Variants in CDK5RAP2 observed in about 807,000 individuals in gnomAD.
The protein encoded by CDK5RAP2 is CDK5 regulatory subunit-associated protein 2.
A neutral mutation model predicts 232.9 loss-of-function variants in CDK5RAP2; 147 were observed. The observed-to-expected ratio is 0.63, with a 90% confidence interval of 0.55 to 0.72. CDK5RAP2 has a LOEUF of 0.72. CDK5RAP2 is among the 30% of genes least tolerant of loss of function. The pLI is 0.00. For missense variants in CDK5RAP2, 2,195 were observed against 2,231.5 expected, an observed-to-expected ratio of 0.98 and a Z score of 0.33; for synonymous variants, 833 against 833.7, an observed-to-expected ratio of 1.00 and a Z score of 0.01.
chr9:120,434,032 T>TATAAC (rs1160725772), intron 25 of CDK5RAP2, among the ~76,000 whole-genome samples: 4 of 152,300 alleles, frequency 2.6e-5, no homozygotes, highest in African/African-American at 7.2e-5. Flanking sequence ...ATAAAAAACA[T>TATAAC]ATAACATGCA....
chr9:120,520,832 T>TGAGCTGTATCTCATATATATCTCATAG (rs1564332716), intron 11 of CDK5RAP2, among the ~76,000 whole-genome samples: 9 of 150,926 alleles, frequency 6.0e-5, no homozygotes, highest in African/African-American at 2.2e-4. Context: ...ATATCTCATA[T>TGAGCTGTATCTCATATATATCTCATAG]GAGCTGTATC....
chr9:120,577,510 G>A (rs966421979), intron 1 of CDK5RAP2, among the ~76,000 whole-genome samples: 6 of 152,130 alleles, frequency 3.9e-5, no homozygotes, highest in African/African-American at 9.7e-5. Flanking sequence ...AGTGGTGACC[G>A]TTGAGCAATA....
chr9:120,399,483 A>C (rs1283252855), intron 35 of CDK5RAP2, among the ~76,000 whole-genome samples: 1 of 152,254 alleles, frequency 6.6e-6, no homozygotes, highest in Non-Finnish European at 1.5e-5. Context: ...TTGAAAGGCT[A>C]TGATGAAACA....
intron 5 of CDK5RAP2, among the ~76,000 whole-genome samples, chr9:120,544,300 G>C (rs1481160602): frequency 6.6e-6 from 1 of 152,178 alleles, no homozygotes. Context: ...GTATGAAATA[G>C]ACCAAATTCC....
chr9:120,527,580 T>C (rs1480342129), intron 10 of CDK5RAP2, among the ~76,000 whole-genome samples: 1 of 152,150 alleles, frequency 6.6e-6, no homozygotes, highest in African/African-American at 2.4e-5. Context: ...ATGTGGCCAC[T>C]AGAAAGTTTT....
At chr9:120,442,470 A>C (rs2035956406) in intron 23 of CDK5RAP2, among the ~76,000 whole-genome samples, 1 of 152,216 alleles carries the variant, frequency 6.6e-6, no homozygotes, top group Non-Finnish European at 1.5e-5. Flanking sequence ...TCAGCTGCGC[A>C]ACAATTAAAA....
At chr9:120,428,817 T>C (rs1370291841) in intron 25 of CDK5RAP2, among the ~76,000 whole-genome samples, 1 of 152,202 alleles carries the variant, frequency 6.6e-6, no homozygotes, top group Non-Finnish European at 1.5e-5. Flanking sequence ...AAGAGAATTT[T>C]AGACCAAAAT....
At chr9:120,497,797 T>C (rs1202914003) in intron 12 of CDK5RAP2, among the ~76,000 whole-genome samples, 2 of 152,166 alleles carry the variant, frequency 1.3e-5, no homozygotes, top group Non-Finnish European at 2.9e-5. Flanking sequence ...TGACATAATG[T>C]AAAAGAGTCT....
intron 12 of CDK5RAP2, among the ~76,000 whole-genome samples, chr9:120,513,317 C>T (rs2040179433): frequency 1.3e-5 from 2 of 152,204 alleles, no homozygotes; most frequent in Admixed American, 1.3e-4. Flanking sequence ...AACTGCAAAT[C>T]TGATCCTGTC....
At chr9:120,426,468 C>A (rs972129111) in intron 25 of CDK5RAP2, among the ~76,000 whole-genome samples, 1 of 152,168 alleles carries the variant, frequency 6.6e-6, no homozygotes, top group African/African-American at 2.4e-5. Flanking sequence ...TTCTGATTGG[C>A]ACTTGGTTGA....
At chr9:120,419,378 T>C (rs915910303) in intron 27 of CDK5RAP2, among the ~76,000 whole-genome samples, 7 of 152,206 alleles carry the variant, frequency 4.6e-5, no homozygotes, top group African/African-American at 1.7e-4. Flanking sequence ...AATGTTGTAT[T>C]TATATAAAAA....
intron 2 of CDK5RAP2, among the ~76,000 whole-genome samples, chr9:120,568,984 C>G (rs749043390): frequency 6.6e-6 from 1 of 152,106 alleles, no homozygotes; most frequent in Non-Finnish European, 1.5e-5. Context: ...ATGGCAATAC[C>G]CAAATCTCTC....
chr9:120,472,273 A>G (rs1421488430), intron 15 of CDK5RAP2, among the ~76,000 whole-genome samples: 2 of 152,204 alleles, frequency 1.3e-5, no homozygotes, highest in Non-Finnish European at 2.9e-5. Flanking sequence ...ACTTTAACTC[A>G]TCCCCTATTA....
chr9:120,439,872 A>T lies in CDK5RAP2; in HGVS notation c.3249T>A (p.Ser1083Arg), dbSNP rs371621399. Reference sequence around the variant, plus strand: ...CTTTAGCAGAAGGCTGACTCTTGGAACTCAGGTAAGTAGCTACTGAAGTTG... The same window carrying T: ...CTTTAGCAGAAGGCTGACTCTTGGATCTCAGGTAAGTAGCTACTGAAGTTG... The part of the protein sequence containing the change: ...LSPTSVATYL[S>R]SKSQPSAKVS... Residue 1083 changes from serine (S) to arginine (R), a missense_variant, in exon 24 of 38, where the codon AGT (serine) becomes AGA (arginine). Ser to Arg is a moderately radical substitution (Grantham distance 110). Transcript: ENST00000349780. 2.0e-5 allele frequency: 33 copies of T among 1,613,976 alleles called. No homozygotes were observed. The African/African-American group carries it at 4.0e-4, about 20-fold the overall frequency.
rs1049532401 is a variant in CDK5RAP2, at chr9:120,460,584, C to A, written c.2190G>T (p.Gln730His). ...GAAAGGTTCCTACCTCATTACTCTG[C>A]TGCAAATGCTGGTCACTCAGGAAAT... ...EINFLSDQHLQQSNEIMKDLS... is the reference protein window; with the variant it reads ...EINFLSDQHLHQSNEIMKDLS... The change falls in exon 19 of 38, where the codon CAG becomes CAT. Residue 730 changes from glutamine (Q) to histidine (H), a missense_variant. Transcript: ENST00000349780. The A allele has an allele frequency of 3.5e-5, 57 of 1,614,094 alleles. No individual in the cohort carries two copies. The highest frequency in any genetic ancestry group is 4.8e-5 in the Non-Finnish European group (57 of 1,179,970).
At chr9:120,466,874 C>T (rs574483454) in intron 18 of CDK5RAP2, among the ~76,000 whole-genome samples, 1 of 152,164 alleles carries the variant, frequency 6.6e-6, no homozygotes, top group African/African-American at 2.4e-5. Flanking sequence ...TTACCTGGCA[C>T]GCCAGGTAGA....
intron 12 of CDK5RAP2, among the ~76,000 whole-genome samples, chr9:120,498,089 G>A (rs906282039): frequency 3.3e-5 from 5 of 152,154 alleles, no homozygotes; most frequent in South Asian, 2.1e-4. Context: ...TCCATATGCC[G>A]CAAAGGAAAT....
rs1458105243 is a variant in CDK5RAP2, at chr9:120,403,565, C to A, written c.5041+471G>T. 3.6e-6 allele frequency: 1 copy of A among 275,218 alleles called. No individual in the cohort carries two copies. The highest frequency in any genetic ancestry group is 2.2e-5 in the African/African-American group (1 of 45,542). 17.0% of individuals were successfully genotyped at this position (275,218 alleles called of 1,614,324 possible). On this transcript the variant is annotated intron_variant, in intron 33 of 37. Transcript: ENST00000349780. This position sits in a 1 kb window ranked among gnomAD's most constrained non-coding sequence, Gnocchi z 4.2. Reference sequence around the variant, plus strand: ...AATGATGAGTCATTCTGACCAAGGACAGCAGCAAAGGCATGTCACAGAGAA... The same window carrying A: ...AATGATGAGTCATTCTGACCAAGGAAAGCAGCAAAGGCATGTCACAGAGAA...
At chr9:120,444,033 G>A (rs1213926607) in intron 22 of CDK5RAP2, among the ~76,000 whole-genome samples, 1 of 152,198 alleles carries the variant, frequency 6.6e-6, no homozygotes, top group Non-Finnish European at 1.5e-5. Context: ...AGAGGCCCTA[G>A]GGTCTCCTGG....
Sources: allele counts gnomAD v4.1 joint callset (sites outside exome capture counted in the v4.1 genomes callset), GRCh38; gene constraint gnomAD v4.1.1; non-coding constraint Gnocchi (gnomAD v3.1); transcripts MANE v1.5; gene names NCBI Gene and HGNC (gene_info 2026-07-23, HGNC 2026-07-21).